The following AKAP9 variants were observed in gnomAD, a reference collection of about 807,000 sequenced individuals.
The protein encoded by AKAP9 is A-kinase anchoring protein 9.
In AKAP9, 311 loss-of-function variants were observed where a neutral mutation model predicts 488.5. The observed-to-expected ratio is 0.64, with a 90% CI of 0.58 to 0.70. The LOEUF is 0.70. AKAP9 is among the 30% of genes least tolerant of loss of function. AKAP9 has a pLI of 0.00. For synonymous variants in AKAP9, 1,462 were observed against 1,483.5 expected, an observed-to-expected ratio of 0.99 and a Z score of 0.33; for missense variants, 4,215 against 4,374.5, an observed-to-expected ratio of 0.96 and a Z score of 1.03.
At chr7:92,048,008 T>C (rs1366524175) in intron 21 of AKAP9, among the ~76,000 whole-genome samples, 1 of 152,134 alleles carries the variant, frequency 6.6e-6, no homozygotes, top group Non-Finnish European at 1.5e-5. Context: ...ATTGAGTTAA[T>C]AGAATTTATA....
chr7:91,961,677 C>T (rs896767825), intron 1 of AKAP9, among the ~76,000 whole-genome samples: 12 of 151,450 alleles, frequency 7.9e-5, no homozygotes, highest in Non-Finnish European at 1.5e-4. Context: ...ACCCCATCTC[C>T]ACTAAAAATA....
intron 3 of AKAP9, among the ~76,000 whole-genome samples, chr7:91,985,506 T>C (rs939080207): frequency 6.6e-6 from 1 of 152,192 alleles, no homozygotes; most frequent in Admixed American, 6.5e-5. Flanking sequence ...TGCTGCTGTA[T>C]TTGGTTTGCC....
intron 14 of AKAP9, among the ~76,000 whole-genome samples, chr7:92,023,270 T>G (rs1802592343): frequency 6.6e-6 from 1 of 152,214 alleles, no homozygotes; most frequent in African/African-American, 2.4e-5. Context: ...GTTAATCTGC[T>G]TAATTAAATC....
intron 3 of AKAP9, among the ~76,000 whole-genome samples, chr7:91,990,803 T>G (rs1007207743): frequency 6.6e-6 from 1 of 152,242 alleles, no homozygotes; most frequent in Non-Finnish European, 1.5e-5. Flanking sequence ...GAAGAAGCAG[T>G]AGTCCCCCAT....
chr7:91,978,117 C>T (rs1795929100), intron 2 of AKAP9, among the ~76,000 whole-genome samples: 1 of 151,640 alleles, frequency 6.6e-6, no homozygotes, highest in East Asian at 1.9e-4. Context: ...TGGTGCGTGA[C>T]TGTAATCCTA....
chr7:92,085,538 C>G lies in AKAP9; in HGVS notation c.8876C>G (p.Ser2959Cys). ...CATAATGAAGGCATGCAGGTGCTTT[C>G]TCTCACTGAGTCTCCCTATAGTGAT... ...AVHNEGMQVLSLTESPYSDGE... is the reference protein window; with the variant it reads ...AVHNEGMQVLCLTESPYSDGE... Residue 2959 changes from serine (S) to cysteine (C), a missense_variant, in exon 36 of 50, where the codon TCT (serine) becomes TGT (cysteine). Physicochemically the swap from Ser to Cys is moderately radical, Grantham distance 112. Transcript: ENST00000356239. 6.2e-7 allele frequency: 1 copy of G among 1,614,098 alleles called. No individual in the cohort carries two copies. The highest frequency in any genetic ancestry group is 8.5e-7 in the Non-Finnish European group (1 of 1,180,000).
At chr7:91,969,988 CCTTT>C in intron 1 of AKAP9, among the ~76,000 whole-genome samples, 1 of 152,062 alleles carries the variant, frequency 6.6e-6, no homozygotes, top group East Asian at 1.9e-4. Context: ...CTCTCTTCTT[CCTTT>C]CTTACTGTCT....
rs1806757221 is a variant in AKAP9, at chr7:92,045,162, T to TCAGAAG, written c.5322_5327dup (p.Glu1776_Ala1777dup). ...GTCATCTGCCAGCCTAATTTGGAGG[T>TCAGAAG]CAGAAGCAGAGGCATCTGTAAAGTC... On this transcript the variant is annotated inframe_insertion, in exon 21 of 50. Coordinates refer to ENST00000356239, the MANE Select transcript of AKAP9 (RefSeq NM_005751.5). 6.2e-7 allele frequency: 1 copy of TCAGAAG among 1,613,562 alleles called. No individual in the cohort carries two copies. Among genetic ancestry groups the TCAGAAG allele is most frequent in the African/African-American group, 1.3e-5 (1 of 74,768 alleles).
At position 92,000,889 on chromosome 7, in the gene AKAP9, A is replaced by G. The variant is rs1443581266; in HGVS notation, c.972A>G (p.Ile324Met). Residue 324 changes from isoleucine (I) to methionine (M), a missense_variant, in exon 8 of 50, where the codon ATA (isoleucine) becomes ATG (methionine). By Grantham distance (10) the Ile-to-Met change is conservative. Coordinates refer to ENST00000356239, the MANE Select transcript of AKAP9 (RefSeq NM_005751.5). Reference protein sequence around the residue: ...KKVENSNKEEIQEKETIIEEL... With the variant: ...KKVENSNKEEMQEKETIIEEL... ...TAGAAAACTCAAATAAAGAAGAAAT[A>G]CAGGAAAAGGAGACAATCATTGAAG... 7.0e-7 allele frequency: 1 copy of G among 1,426,362 alleles called. No individual in the cohort carries two copies. Among genetic ancestry groups the G allele is most frequent in the East Asian group, 2.5e-5 (1 of 39,916 alleles). The allele number at this position is 1,426,362 out of a possible 1,614,324, so 88.4% of individuals were successfully genotyped here.
intron 1 of AKAP9, among the ~76,000 whole-genome samples, chr7:91,971,560 CTTTTTT>C (rs71107844): frequency 1.5e-5 from 1 of 68,542 alleles, no homozygotes; most frequent in Non-Finnish European, 2.6e-5. Context: ...ACATCTATTT[CTTTTTT>C]TTTTTTTTTT....
At chr7:92,005,752 G>A (rs941280567) in intron 8 of AKAP9, among the ~76,000 whole-genome samples, 4 of 152,022 alleles carry the variant, frequency 2.6e-5, no homozygotes, top group Non-Finnish European at 4.4e-5. Flanking sequence ...TACAACCTCC[G>A]CCTCCCGGGT....
At chr7:92,052,350 A>G (rs1347523603) in intron 21 of AKAP9, among the ~76,000 whole-genome samples, 1 of 152,152 alleles carries the variant, frequency 6.6e-6, no homozygotes, top group African/African-American at 2.4e-5. Context: ...TCCTCATTAC[A>G]TTGTAAAGTC....
intron 3 of AKAP9, among the ~76,000 whole-genome samples, chr7:91,984,408 T>G (rs1435544280): frequency 6.6e-6 from 1 of 152,254 alleles, no homozygotes; most frequent in African/African-American, 2.4e-5. Context: ...ATTTCTTGTT[T>G]TTGTCAGGTT....
chr7:91,955,042 A>G (rs2282971), intron 1 of AKAP9, among the ~76,000 whole-genome samples: 67,534 of 152,064 alleles, frequency 0.44, 15,963 homozygotes, highest in African/African-American at 0.61. Flanking sequence ...ATTGTATGAC[A>G]CACTCATTTT....
intron 42 of AKAP9, 64 bp from the exon 43 acceptor site, chr7:92,098,045 G>A (rs1434735664): frequency 9.0e-6 from 10 of 1,105,680 alleles, no homozygotes; most frequent in African/African-American, 1.5e-5. Context: ...GCTCTGTAAT[G>A]TTTGTGGTAG....
Position 92,105,752 on chromosome 7 carries a change from G to T in AKAP9, c.11405G>T (p.Gly3802Val). ...VSININRDGF[G>V]LNQGAEKTDS... Reference sequence around the variant, plus strand: ...ATCAATATTAACAGAGATGGCTTTGGACTGAATCAAGGTGAAGTCAAAATA... The same window carrying T: ...ATCAATATTAACAGAGATGGCTTTGTACTGAATCAAGGTGAAGTCAAAATA... The change falls in exon 47 of 50, where the codon GGA becomes GTA. Residue 3802 changes from glycine to valine, a missense_variant. By Grantham distance (109) the Gly-to-Val change is moderately radical (BLOSUM62 -3). This residue lies in a region of AKAP9 where 253 missense variants were observed against 266.8 expected (regional missense o/e 0.95). Coordinates refer to ENST00000356239, the MANE Select transcript of AKAP9 (RefSeq NM_005751.5). 6.2e-7 allele frequency: 1 copy of T among 1,613,942 alleles called. No homozygotes were observed. The highest frequency in any genetic ancestry group is 8.5e-7 in the Non-Finnish European group (1 of 1,179,828).
rs532851043 is a variant in AKAP9 at position 92,105,599 on chromosome 7, C to T, written c.11331-79C>T. 5 of 1,001,848 alleles carry T rather than the reference C, an allele frequency of 5.0e-6. No individual in the cohort carries two copies. In the East Asian group the frequency reaches 9.6e-5, roughly 19 times the overall value. 62.1% of individuals were successfully genotyped at this position (1,001,848 alleles called of 1,614,324 possible). ...CATTTGTTCTATGTTCATATTTAAA[C>T]GTGTGATGTGATTTTTGTAGGAAAT... is the stretch of plus-strand genomic sequence containing the variant. On this transcript the variant is annotated intron_variant, in intron 46 of 49. Coordinates refer to ENST00000356239, the MANE Select transcript of AKAP9 (RefSeq NM_005751.5).
chr7:92,084,906 A>G lies in AKAP9; in HGVS notation c.8798A>G (p.Glu2933Gly), dbSNP rs974881166. ...IASEGRGEES[E>G]SATDSFPKKI... is the part of the protein sequence containing the mutation. ...TCAGAAGGCCGAGGAGAAGAAAGTG[A>G]AAGTGCAACAGATTCCTTTCCAAAG... The change falls in exon 35 of 50, where the codon GAA becomes GGA. Residue 2933 changes from glutamate to glycine, a missense_variant. Transcript: ENST00000356239. 3 of 1,613,556 alleles carry G rather than the reference A, an allele frequency of 1.9e-6. No homozygotes were observed. Among genetic ancestry groups the G allele is most frequent in the Non-Finnish European group, 2.5e-6 (3 of 1,179,676 alleles).
At chr7:91,977,292 C>A (rs1396595952) in intron 2 of AKAP9, among the ~76,000 whole-genome samples, 2 of 151,944 alleles carry the variant, frequency 1.3e-5, no homozygotes, top group African/African-American at 4.8e-5. Flanking sequence ...CGCGGTGGCT[C>A]ATGCCTGTAA....
Sources: gnomAD v4.1 joint callset for allele counts (sites outside exome capture counted in the v4.1 genomes callset) on GRCh38, gnomAD v4.1.1 for gene constraint, gnomAD v4.1.1 regional missense constraint, MANE v1.5 for transcripts, NCBI Gene and HGNC (gene_info 2026-07-23, HGNC 2026-07-21) for gene names.